The following KCNU1 variants were observed in gnomAD, a reference collection of about 807,000 sequenced individuals.
The protein encoded by KCNU1 is potassium calcium-activated channel subfamily U member 1.
KCNU1 carries 93 observed loss-of-function variants against 126.8 expected under a neutral mutation model. The observed-to-expected ratio is 0.73, with a 90% CI of 0.62 to 0.87. The LOEUF (loss-of-function observed/expected upper bound fraction) is 0.87. KCNU1 is among the 40% of genes least tolerant of loss of function. The pLI is 0.00. For missense variants in KCNU1, 1,330 were observed against 1,367.1 expected (o/e 0.97, Z 0.43); for synonymous variants, 523 against 494.2 (o/e 1.06, Z -0.77).
chr8:36,889,079 A>G (rs374488582), intron 19 of KCNU1: 6 of 527,118 alleles, frequency 1.1e-5, no homozygotes, highest in Admixed American at 2.0e-5. Context: ...GGGTTTCACC[A>G]TGTTGGCCAG....
intron 10 of KCNU1, among the ~76,000 whole-genome samples, chr8:36,832,590 A>G (rs943876997): frequency 6.6e-6 from 1 of 151,996 alleles, no homozygotes; most frequent in African/African-American, 2.4e-5. Flanking sequence ...TTCTTTGTTC[A>G]ATATTTGCAT....
At chr8:36,865,048 A>C (rs948167021) in intron 19 of KCNU1, among the ~76,000 whole-genome samples, 47 of 152,272 alleles carry the variant, frequency 3.1e-4, no homozygotes, top group East Asian at 3.9e-4. Flanking sequence ...AAGTTCTATT[A>C]TTCCAAACTT....
At chr8:36,861,797 C>A (rs1805739178) in intron 18 of KCNU1, among the ~76,000 whole-genome samples, 1 of 152,142 alleles carries the variant, frequency 6.6e-6, no homozygotes, top group Non-Finnish European at 1.5e-5. Flanking sequence ...TTATTGCTAT[C>A]CATATGGAAA....
intron 2 of KCNU1, among the ~76,000 whole-genome samples, chr8:36,792,087 C>T (rs149485719): frequency 2.2e-4 from 34 of 152,082 alleles, no homozygotes; most frequent in African/African-American, 6.3e-4. Context: ...TGATCATTTA[C>T]GGATATTATT....
chr8:36,928,658 A>G (rs1015792039), intron 24 of KCNU1, among the ~76,000 whole-genome samples: 1 of 152,206 alleles, frequency 6.6e-6, no homozygotes, highest in African/African-American at 2.4e-5. Context: ...CCTACATTTT[A>G]CCAGCAATAT....
intron 19 of KCNU1, among the ~76,000 whole-genome samples, chr8:36,870,245 G>C (rs1361210983): frequency 1.3e-5 from 2 of 152,180 alleles, no homozygotes; most frequent in Non-Finnish European, 2.9e-5. Context: ...TGGCCATAAA[G>C]ATGTAAGAGG....
intron 19 of KCNU1, among the ~76,000 whole-genome samples, chr8:36,866,234 G>A (rs1805906566): frequency 2.0e-5 from 3 of 152,038 alleles, no homozygotes; most frequent in Non-Finnish European, 2.9e-5. Context: ...ACTTGTACTT[G>A]GTTTTGATAC....
intron 6 of KCNU1, among the ~76,000 whole-genome samples, chr8:36,808,415 T>C (rs1219383713): frequency 6.6e-6 from 1 of 152,120 alleles, no homozygotes; most frequent in African/African-American, 2.4e-5. Flanking sequence ...AAAAGTGATA[T>C]GAGGCTAGTG....
intron 2 of KCNU1, among the ~76,000 whole-genome samples, chr8:36,792,962 T>A (rs1407914898): frequency 1.3e-5 from 2 of 152,124 alleles, no homozygotes; most frequent in East Asian, 3.9e-4. Flanking sequence ...TATCTATAAA[T>A]ACCTACATTA....
chr8:36,835,975 C>T (rs368301596), intron 12 of KCNU1, among the ~76,000 whole-genome samples: 11 of 152,126 alleles, frequency 7.2e-5, no homozygotes, highest in African/African-American at 1.9e-4. Context: ...CTATTTTTAC[C>T]TGTAATTATT....
chr8:36,829,464 G>C (rs1227383300), intron 10 of KCNU1, among the ~76,000 whole-genome samples: 3 of 151,622 alleles, frequency 2.0e-5, no homozygotes, highest in Non-Finnish European at 4.4e-5. Flanking sequence ...GGTTTATAGA[G>C]TGACAATTTG....
intron 19 of KCNU1, among the ~76,000 whole-genome samples, chr8:36,874,591 C>A (rs1806214133): frequency 1.3e-5 from 2 of 152,066 alleles, no homozygotes; most frequent in Admixed American, 6.6e-5. Flanking sequence ...GGGCTTCATC[C>A]CATGAGGAGT....
intron 18 of KCNU1, among the ~76,000 whole-genome samples, chr8:36,847,542 C>T (rs1805195433): frequency 6.6e-6 from 1 of 152,176 alleles, no homozygotes; most frequent in South Asian, 2.1e-4. Flanking sequence ...CAAGTCGAGT[C>T]TCTACTTCCA....
intron 1 of KCNU1, among the ~76,000 whole-genome samples, chr8:36,785,496 G>C (rs1802681367): frequency 6.6e-6 from 1 of 152,104 alleles, no homozygotes; most frequent in Non-Finnish European, 1.5e-5. Flanking sequence ...TTCATAAATT[G>C]ATAAGTTTTT....
At chr8:36,933,612 T>G (rs1425554747) in intron 26 of KCNU1, among the ~76,000 whole-genome samples, 2 of 151,656 alleles carry the variant, frequency 1.3e-5, no homozygotes, top group Non-Finnish European at 2.9e-5. Flanking sequence ...CAGACTAAGA[T>G]CCTCACAGTG....
At chr8:36,876,160 G>T (rs925439624) in intron 19 of KCNU1, among the ~76,000 whole-genome samples, 2 of 151,992 alleles carry the variant, frequency 1.3e-5, no homozygotes, top group African/African-American at 4.8e-5. Context: ...CAAACTAATC[G>T]ATTTCCATCA....
intron 2 of KCNU1, among the ~76,000 whole-genome samples, chr8:36,802,440 G>A (rs912878622): frequency 2.0e-5 from 3 of 152,160 alleles, no homozygotes; most frequent in Non-Finnish European, 4.4e-5. Context: ...GCTGCTTTGT[G>A]TCAGACGAGT....
chr8:36,800,238 G>C (rs1221731402), intron 2 of KCNU1, among the ~76,000 whole-genome samples: 1 of 152,070 alleles, frequency 6.6e-6, no homozygotes, highest in African/African-American at 2.4e-5. Context: ...CCAAGGTTTA[G>C]AGTACTCCTG....
chr8:36,806,372 A>G lies in KCNU1; in HGVS notation c.572A>G (p.Asn191Ser), dbSNP rs373744029. The G allele has an allele frequency of 6.2e-5, 98 of 1,580,412 alleles. No homozygotes were observed. Among genetic ancestry groups the G allele is most frequent in the Non-Finnish European group, 8.1e-5 (93 of 1,152,370 alleles). ...TTTATTTCTTATTATTTGAAGAGCA[A>G]TTGGCTAGGTAAGTGTGCTCTGGGA... ...PTFISYYLKS[N>S]WLGLRFLRAL... The change falls in exon 5 of 27, where the codon AAT becomes AGT. Residue 191 changes from asparagine to serine, a missense_variant. This residue lies in a region of KCNU1 where 247 missense variants were observed against 255.4 expected (regional missense o/e 0.97). Transcript: ENST00000399881.
Sources: gnomAD v4.1 joint callset for allele counts (sites outside exome capture counted in the v4.1 genomes callset) on GRCh38, gnomAD v4.1.1 for gene constraint, gnomAD v4.1.1 regional missense constraint, MANE v1.5 for transcripts, NCBI Gene and HGNC (gene_info 2026-07-23, HGNC 2026-07-21) for gene names.